The following NKAIN2 variants were observed in gnomAD, a reference collection of about 807,000 sequenced individuals.
The protein encoded by NKAIN2 is sodium/potassium transporting ATPase interacting 2, also known as sodium/potassium-transporting ATPase subunit beta-1-interacting protein 2.
NKAIN2 carries 14 observed loss-of-function variants against 32.6 expected under a neutral mutation model. The observed-to-expected ratio is 0.43, with a 90% CI of 0.28 to 0.67. The LOEUF is 0.67. Ranked by LOEUF, NKAIN2 falls within the 30% of genes least tolerant of loss-of-function variation. The pLI is 0.17. For missense variants in NKAIN2, 198 were observed against 258.3 expected, an observed-to-expected ratio of 0.77 and a Z score of 1.60; for synonymous variants, 80 against 87.2, an observed-to-expected ratio of 0.92 and a Z score of 0.46.
chr6:124,160,075 C>A (rs77334548), intron 1 of NKAIN2, among the ~76,000 whole-genome samples: 1 of 152,076 alleles, frequency 6.6e-6, no homozygotes, highest in African/African-American at 2.4e-5. Context: ...GTGGGATAAA[C>A]CCTAGCTTAC....
intron 1 of NKAIN2, among the ~76,000 whole-genome samples, chr6:124,078,683 T>C (rs140847404): frequency 7.0e-4 from 106 of 152,274 alleles, no homozygotes; most frequent in African/African-American, 2.4e-3. Context: ...CTTGATTATA[T>C]TTAATTACTA....
At chr6:124,311,519 C>T (rs530449517) in intron 2 of NKAIN2, among the ~76,000 whole-genome samples, 1 of 152,010 alleles carries the variant, frequency 6.6e-6, no homozygotes, top group Admixed American at 6.6e-5. Context: ...TTGCTTTTCA[C>T]GTTTTAAAAA....
At chr6:124,760,491 TA>T (rs1217386470) in intron 4 of NKAIN2, among the ~76,000 whole-genome samples, 8 of 151,572 alleles carry the variant, frequency 5.3e-5, no homozygotes, top group African/African-American at 1.7e-4. Context: ...AAAATAAATT[TA>T]AAAAAAGCTT....
intron 1 of NKAIN2, among the ~76,000 whole-genome samples, chr6:123,884,133 C>A (rs1284746999): frequency 6.6e-6 from 1 of 151,896 alleles, no homozygotes; most frequent in African/African-American, 2.4e-5. Context: ...TCTGAAAGGC[C>A]CCAGTGTGTG....
chr6:124,159,742 G>A (rs1238061906), intron 1 of NKAIN2, among the ~76,000 whole-genome samples: 2 of 152,110 alleles, frequency 1.3e-5, no homozygotes, highest in African/African-American at 2.4e-5. Flanking sequence ...ATTTGAAGTG[G>A]CCTCAGAAAC....
At chr6:124,779,952 A>G (rs750053492) in intron 4 of NKAIN2, among the ~76,000 whole-genome samples, 24 of 152,224 alleles carry the variant, frequency 1.6e-4, no homozygotes, top group Non-Finnish European at 2.9e-5. Flanking sequence ...TTATGTCTCA[A>G]AAGTTAGTGA....
At chr6:124,709,926 G>A (rs959654484) in intron 4 of NKAIN2, among the ~76,000 whole-genome samples, 12 of 152,018 alleles carry the variant, frequency 7.9e-5, no homozygotes, top group Non-Finnish European at 1.3e-4. Context: ...TAATGTTAGG[G>A]TGTCAATTTT....
At chr6:124,247,373 A>G (rs1793462029) in intron 1 of NKAIN2, among the ~76,000 whole-genome samples, 1 of 152,178 alleles carries the variant, frequency 6.6e-6, no homozygotes, top group Non-Finnish European at 1.5e-5. Flanking sequence ...TGTCTCTGAA[A>G]TGATTTCACA....
intron 3 of NKAIN2, among the ~76,000 whole-genome samples, chr6:124,515,410 C>G (rs1241502074): frequency 1.3e-5 from 2 of 152,014 alleles, no homozygotes; most frequent in African/African-American, 4.8e-5. Flanking sequence ...TCCCACCTCT[C>G]TCCTCCTTTC....
intron 1 of NKAIN2, among the ~76,000 whole-genome samples, chr6:123,894,766 G>T (rs946753797): frequency 9.9e-5 from 15 of 152,026 alleles, no homozygotes; most frequent in Middle Eastern, 3.2e-3. Flanking sequence ...CGGGGAAGGG[G>T]CAGGGGATGA....
At chr6:124,588,907 A>C (rs567174341) in intron 3 of NKAIN2, among the ~76,000 whole-genome samples, 1 of 152,276 alleles carries the variant, frequency 6.6e-6, no homozygotes, top group East Asian at 1.9e-4. Flanking sequence ...ATTGTTCACC[A>C]TTGGAGGAAT....
At chr6:124,345,675 A>G (rs4478424) in intron 2 of NKAIN2, among the ~76,000 whole-genome samples, 8,706 of 151,208 alleles carry the variant, frequency 0.058, 432 homozygotes, top group African/African-American at 0.14. Flanking sequence ...GGGATCGGTG[A>G]TGATATCCCC....
chr6:124,308,036 C>A, intron 2 of NKAIN2, among the ~76,000 whole-genome samples: 1 of 152,016 alleles, frequency 6.6e-6, no homozygotes, highest in East Asian at 1.9e-4. Flanking sequence ...AGGTTTGTTA[C>A]ATAGGTATAC....
chr6:124,086,231 T>C (rs1229155720), intron 1 of NKAIN2, among the ~76,000 whole-genome samples: 1 of 151,952 alleles, frequency 6.6e-6, no homozygotes. Context: ...ATGAAATGAT[T>C]ATGAGGATGA....
intron 2 of NKAIN2, among the ~76,000 whole-genome samples, chr6:124,300,667 A>G (rs1335160844): frequency 6.6e-6 from 1 of 152,182 alleles, no homozygotes; most frequent in African/African-American, 2.4e-5. Context: ...TTTATGGACC[A>G]TAAGGTCCAG....
intron 1 of NKAIN2, among the ~76,000 whole-genome samples, chr6:124,140,595 G>A (rs567034501): frequency 1.3e-5 from 2 of 152,284 alleles, no homozygotes; most frequent in African/African-American, 4.8e-5. Flanking sequence ...TCACTGACTA[G>A]AGGGCATGTA....
chr6:124,352,266 G>A (rs1234923361), intron 2 of NKAIN2, among the ~76,000 whole-genome samples: 1 of 152,032 alleles, frequency 6.6e-6, no homozygotes, highest in Non-Finnish European at 1.5e-5. Context: ...AAACATAAAT[G>A]TTTCAACTTG....
At chr6:124,626,262 G>C (rs191148737) in intron 3 of NKAIN2, among the ~76,000 whole-genome samples, 1 of 151,966 alleles carries the variant, frequency 6.6e-6, no homozygotes, top group East Asian at 1.9e-4. Context: ...TAAATCAAAG[G>C]TGAGGGGCCA....
intron 2 of NKAIN2, among the ~76,000 whole-genome samples, chr6:124,310,656 A>G (rs1178519155): frequency 2.0e-5 from 3 of 152,140 alleles, no homozygotes; most frequent in Non-Finnish European, 4.4e-5. Flanking sequence ...AATTAACTGA[A>G]AGCCGAAAGT....
Sources: gnomAD v4.1 joint callset for allele counts (sites outside exome capture counted in the v4.1 genomes callset) on GRCh38, gnomAD v4.1.1 for gene constraint, MANE v1.5 for transcripts, NCBI Gene and HGNC (gene_info 2026-07-23, HGNC 2026-07-21) for gene names.